CARS2: variants seen among roughly 807,000 people sequenced by gnomAD.
The protein encoded by CARS2 is cysteinyl-tRNA synthetase 2, mitochondrial, also known as probable cysteine--tRNA ligase, mitochondrial.
Under a neutral mutation model 68.8 loss-of-function variants are expected in CARS2, and 52 were observed. The observed-to-expected ratio is 0.76, with a 90% CI of 0.61 to 0.95. The LOEUF (loss-of-function observed/expected upper bound fraction) is 0.95. CARS2 is among the 40% of genes least tolerant of loss of function. CARS2 has a pLI of 0.00. For synonymous variants in CARS2, 314 were observed against 303.6 expected (o/e 1.03, Z -0.36); for missense variants, 780 against 754.2 (o/e 1.03, Z -0.40).
upstream of CARS2, among the ~76,000 whole-genome samples, chr13:110,711,008 T>C (rs2064022329): frequency 1.3e-5 from 2 of 152,198 alleles, no homozygotes; most frequent in Non-Finnish European, 2.9e-5. Context: ...CTTCCAATTT[T>C]ATTCTTGAGT....
rs1271844931 is a variant in CARS2, at chr13:110,705,987, C to G, written c.107G>C (p.Gly36Ala). The change falls in exon 1 of 15, where the codon GGG becomes GCG. Residue 36 changes from glycine to alanine, a missense_variant. Transcript: ENST00000257347. This position sits in a 1 kb window ranked among gnomAD's most constrained non-coding sequence, Gnocchi z 4.0. The part of the protein sequence containing the change: ...WHWPAGRAAS[G>A]GRGRAWLQPT... ...CTGCAGCCAGGCCCGCCCGCGCCCC[C>G]CGCTCGCCGCCCGGCCCGCAGGCCA... is the stretch of plus-strand genomic sequence containing the variant. The G allele has an allele frequency of 1.3e-6, 2 of 1,504,766 alleles. No individual in the cohort carries two copies. Among genetic ancestry groups the G allele is most frequent in the South Asian group, 1.2e-5 (1 of 80,076 alleles). 93.2% of individuals were successfully genotyped at this position (1,504,766 alleles called of 1,614,324 possible).
At chr13:110,677,765 C>T (rs1304755852) in intron 6 of CARS2, among the ~76,000 whole-genome samples, 1 of 144,918 alleles carries the variant, frequency 6.9e-6, no homozygotes, top group African/African-American at 2.6e-5. Flanking sequence ...CATGGAAACA[C>T]AATCACCCCA....
chr13:110,691,576 G>A (rs563621012), intron 3 of CARS2, among the ~76,000 whole-genome samples: 1 of 152,146 alleles, frequency 6.6e-6, no homozygotes, highest in African/African-American at 2.4e-5. Context: ...CCTTGAATGC[G>A]GCTATGACGC....
intron 12 of CARS2, 133 bp from the exon 13 acceptor site, chr13:110,644,616 G>A (rs1465011913): frequency 2.7e-6 from 4 of 1,460,412 alleles, no homozygotes; most frequent in Admixed American, 4.9e-5. Flanking sequence ...TCTATGGAGG[G>A]AGGACACAGC....
upstream of CARS2, among the ~76,000 whole-genome samples, chr13:110,711,049 T>C (rs1332862694): frequency 6.6e-6 from 1 of 152,196 alleles, no homozygotes; most frequent in Non-Finnish European, 1.5e-5. Flanking sequence ...CTAGAGCCAA[T>C]GAATGCTAGG....
chr13:110,712,912 G>A (rs185251069), intron 1 of CARS2: 26 of 1,545,674 alleles, frequency 1.7e-5, no homozygotes, highest in Middle Eastern at 1.7e-4. Flanking sequence ...AGGGAGGGCG[G>A]TGACGGATGG....
chr13:110,647,364 G>C, intron 10 of CARS2, 125 bp from the exon 11 acceptor site: 1 of 1,210,402 alleles, frequency 8.3e-7, no homozygotes, highest in Non-Finnish European at 1.1e-6. Flanking sequence ...GGGACATGTG[G>C]CTCTCACGCC....
At chr13:110,667,694 T>A (rs1213634240) in intron 7 of CARS2, among the ~76,000 whole-genome samples, 1 of 152,234 alleles carries the variant, frequency 6.6e-6, no homozygotes, top group African/African-American at 2.4e-5. Flanking sequence ...GGCACTTAAT[T>A]CTTTTTGCTC....
rs868562706 is a variant in CARS2, at chr13:110,701,382, G to C, written c.393+56C>G. 8 of 865,554 alleles carry C rather than the reference G, an allele frequency of 9.2e-6. No homozygotes were observed. In the Middle Eastern group the frequency reaches 1.1e-3, roughly 119 times the overall value. 53.6% of individuals were successfully genotyped at this position (865,554 alleles called of 1,614,324 possible). A position where few individuals can be genotyped will look rare whatever the true frequency, so the allele number is the denominator to read the frequency against. ...CCCGGCCAAGAACCACTTTCAGGAA[G>C]GGCTCAGAACACTAATCAATGGCAT... is the stretch of plus-strand genomic sequence containing the variant. On this transcript the variant is annotated intron_variant, in intron 3 of 14. Coordinates refer to ENST00000257347, the MANE Select transcript of CARS2 (RefSeq NM_024537.4).
chr13:110,650,044 C>A (rs2062163541), intron 10 of CARS2, among the ~76,000 whole-genome samples: 1 of 148,468 alleles, frequency 6.7e-6, no homozygotes, highest in Non-Finnish European at 1.5e-5. Context: ...TGAAGTGATT[C>A]TCCTGCCTCA....
chr13:110,695,099 T>C (rs1472746478), intron 3 of CARS2, among the ~76,000 whole-genome samples: 7 of 151,984 alleles, frequency 4.6e-5, no homozygotes, highest in African/African-American at 7.3e-5. Context: ...CCTGAGCAAC[T>C]TAGAAGGCCC....
Position 110,712,924 on chromosome 13 carries a change from G to A in CARS2, n.399+213C>T, listed in dbSNP as rs563326900. On this transcript the variant is annotated intron_variant and non_coding_transcript_variant, in intron 1 of 2. Coordinates refer to the CARS2 transcript ENST00000485188. ...CAAAGGGAGGGCGGTGACGGATGGC[G>A]CAGGCGCGGGAGCCGCCTAGGCTGC... is the stretch of plus-strand genomic sequence containing the variant. The A allele has an allele frequency of 5.1e-5, 79 of 1,554,248 alleles. No homozygotes were observed. The Admixed American group carries it at 1.3e-3, about 26-fold the overall frequency.
rs1397470848 is a variant in CARS2, at chr13:110,687,697, AAAAAAAAAGAACAT to A, written c.571+10_571+23del. 2.1e-6 allele frequency: 3 copies of A among 1,462,720 alleles called. No individual in the cohort carries two copies. The highest frequency in any genetic ancestry group is 1.9e-6 in the Non-Finnish European group (2 of 1,070,654). 90.6% of individuals were successfully genotyped at this position (1,462,720 alleles called of 1,614,324 possible). Reference sequence around the variant, plus strand: ...CTGTCTCAAAAAAAAAAAAAGAAAAAAAAAAAAAGAACATAAACCCTACCTTTTGCCGTTGAATA... The same window carrying A: ...CTGTCTCAAAAAAAAAAAAAGAAAAAAAACCCTACCTTTTGCCGTTGAATA... On this transcript the variant is annotated intron_variant, in intron 5 of 14. Coordinates refer to ENST00000257347, the MANE Select transcript of CARS2 (RefSeq NM_024537.4).
At position 110,642,532 on chromosome 13, in the gene CARS2, C is replaced by T. The variant is rs764789216; in HGVS notation, c.1417-11G>A. 5.6e-6 allele frequency: 9 copies of T among 1,608,702 alleles called. No homozygotes were observed. The Admixed American group carries it at 1.5e-4, about 27-fold the overall frequency. On this transcript the variant is annotated splice_polypyrimidine_tract_variant and intron_variant, in intron 13 of 14. Coordinates refer to ENST00000257347, the MANE Select transcript of CARS2 (RefSeq NM_024537.4). ...GTCTCCTGAAACGTACTGAAGCCAG[C>T]AGGGCGCGGTTACGTCCCCCGGAGA...
Position 110,681,756 on chromosome 13 carries a change from G to A in CARS2, c.655+1295C>T, listed in dbSNP as rs529594859. 6.6e-5 allele frequency among the ~76,000 whole-genome samples: 10 copies of A among 152,306 alleles called. No individual in the cohort carries two copies. The South Asian group carries it at 2.1e-3, about 32-fold the overall frequency. Reference sequence around the variant, plus strand: ...GTGACTCAGTGTTAAAGAGAAACGAGCTCTCAGCCATGAAAAGACACGGAG... The same window carrying A: ...GTGACTCAGTGTTAAAGAGAAACGAACTCTCAGCCATGAAAAGACACGGAG... On this transcript the variant is annotated intron_variant, in intron 6 of 14. Coordinates refer to ENST00000257347, the MANE Select transcript of CARS2 (RefSeq NM_024537.4).
At position 110,705,595 on chromosome 13, in the gene CARS2, C is replaced by T. The variant is rs1226172002; in HGVS notation, c.225-24G>A. The T allele has an allele frequency of 5.0e-6, 8 of 1,602,386 alleles. No homozygotes were observed. The highest frequency in any genetic ancestry group is 6.8e-6 in the Non-Finnish European group (8 of 1,169,486). On this transcript the variant is annotated intron_variant, in intron 1 of 14. Coordinates refer to ENST00000257347, the MANE Select transcript of CARS2 (RefSeq NM_024537.4). The surrounding 1 kb of genome is among the most constrained non-coding windows in gnomAD (Gnocchi z 4.0). ...ACCTGGAAACAAAGTTAAAATCCAT[C>T]GTGTGGAACATATTTGCAAGAAAGG... is the stretch of plus-strand genomic sequence containing the variant.
intron 3 of CARS2, chr13:110,697,879 T>C (rs999947125): frequency 2.0e-5 from 9 of 446,740 alleles, no homozygotes; most frequent in South Asian, 4.8e-5. Flanking sequence ...TACCCAGTTA[T>C]GAGAAAGACA....
intron 5 of CARS2, among the ~76,000 whole-genome samples, chr13:110,685,666 G>A (rs548345683): frequency 6.6e-6 from 1 of 152,290 alleles, no homozygotes; most frequent in South Asian, 2.1e-4. Flanking sequence ...GCTGCCAAAT[G>A]GTACAGCAGA....
intron 3 of CARS2, among the ~76,000 whole-genome samples, chr13:110,693,051 A>C (rs1229978504): frequency 2.9e-5 from 4 of 140,324 alleles, no homozygotes; most frequent in Non-Finnish European, 4.6e-5. Flanking sequence ...CGGAGGTTGC[A>C]GTGGGCAGAG....
Sources: gnomAD v4.1 joint callset for allele counts (sites outside exome capture counted in the v4.1 genomes callset) on GRCh38, gnomAD v4.1.1 for gene constraint, Gnocchi (gnomAD v3.1) non-coding constraint, MANE v1.5 for transcripts, NCBI Gene and HGNC (gene_info 2026-07-23, HGNC 2026-07-21) for gene names.